Variants in DNAAF9 observed in about 807,000 individuals in gnomAD.
DNAAF9 encodes the protein dynein axonemal assembly factor 9.
In DNAAF9, 90 loss-of-function variants were observed where a neutral mutation model predicts 167.0. The observed-to-expected ratio is 0.54, with a 90% confidence interval of 0.45 to 0.64. DNAAF9 has a LOEUF of 0.64. DNAAF9 is among the 30% of genes least tolerant of loss of function. The pLI, the probability that DNAAF9 is intolerant of heterozygous loss-of-function variation, is 0.00. For synonymous variants in DNAAF9, 491 were observed against 508.8 expected (o/e 0.96, Z 0.47); for missense variants, 1,315 against 1,442.2 (o/e 0.91, Z 1.43).
intron 29 of DNAAF9, among the ~76,000 whole-genome samples, chr20:3,271,107 C>T (rs1056479454): frequency 1.3e-5 from 2 of 152,082 alleles, no homozygotes; most frequent in African/African-American, 4.8e-5. Context: ...GCCATTGCAC[C>T]CGGCCTCCTC....
intron 6 of DNAAF9, among the ~76,000 whole-genome samples, chr20:3,363,046 T>C (rs2083383257): frequency 6.6e-6 from 1 of 151,950 alleles, no homozygotes; most frequent in Non-Finnish European, 1.5e-5. Context: ...CTGGCCAACA[T>C]GGTGAAAGCC....
chr20:3,343,855 GTGTGCGTGTGTGCA>G (rs956055707), intron 8 of DNAAF9, 124 bp from the exon 9 acceptor site: 6 of 645,654 alleles, frequency 9.3e-6, no homozygotes, highest in African/African-American at 9.2e-5. Flanking sequence ...GTGTGTGTGT[GTGTGCGTGTGTGCA>G]TGTGCGTGTG....
intron 1 of DNAAF9, among the ~76,000 whole-genome samples, chr20:3,383,873 A>C (rs979581488): frequency 6.8e-6 from 1 of 147,230 alleles, no homozygotes; most frequent in Non-Finnish European, 1.5e-5. Flanking sequence ...ATCTTGGCTC[A>C]CTGTAACCTC....
At chr20:3,281,804 T>G (rs776466222) in intron 27 of DNAAF9, 38 bp from the exon 28 acceptor site, 1 of 1,589,746 alleles carries the variant, frequency 6.3e-7, no homozygotes, top group African/African-American at 1.4e-5. Context: ...GTTCACTGAC[T>G]GGCATTGCAA....
intron 10 of DNAAF9, among the ~76,000 whole-genome samples, chr20:3,338,427 GT>G (rs1303689016): frequency 6.6e-6 from 1 of 152,060 alleles, no homozygotes; most frequent in Non-Finnish European, 1.5e-5. Flanking sequence ...ATCTTCTGAA[GT>G]TTGAATAGGA....
chr20:3,350,388 C>T (rs996573296), intron 7 of DNAAF9, among the ~76,000 whole-genome samples: 10 of 151,118 alleles, frequency 6.6e-5, no homozygotes, highest in Admixed American at 3.3e-4. Context: ...TTATATATAA[C>T]GTAGGATAAA....
At chr20:3,331,136 T>A in intron 11 of DNAAF9, among the ~76,000 whole-genome samples, 1 of 152,162 alleles carries the variant, frequency 6.6e-6, no homozygotes, top group East Asian at 1.9e-4. Flanking sequence ...CCAACAACAG[T>A]GGAACCCGGC....
chr20:3,275,305 TA>T (rs2068658537), intron 29 of DNAAF9, among the ~76,000 whole-genome samples: 1 of 152,084 alleles, frequency 6.6e-6, no homozygotes, highest in Admixed American at 6.5e-5. Flanking sequence ...GGAAGATCTA[TA>T]AATACCCTAG....
At chr20:3,268,723 A>G (rs1026224261) in intron 30 of DNAAF9, among the ~76,000 whole-genome samples, 2 of 152,138 alleles carry the variant, frequency 1.3e-5, no homozygotes, top group Non-Finnish European at 2.9e-5. Context: ...AAAAGTCAAA[A>G]CTACATTAAA....
In DNAAF9 at chr20:3,290,218, C is replaced by G. The variant is rs1231835475; in HGVS notation, c.2239-1G>C. ...GGCCGGTTACAATGCTGATAATTAC[C>G]TACATGAAGAAAAAGTCATGGGTTT... On this transcript the variant is annotated splice_acceptor_variant, in intron 25 of 36. Coordinates refer to ENST00000252032, the MANE Select transcript of DNAAF9 (RefSeq NM_001009984.3). LOFTEE classifies it high-confidence loss of function. The G allele has an allele frequency of 6.3e-7, 1 of 1,597,394 alleles. No individual in the cohort carries two copies. The highest frequency in any genetic ancestry group is 8.6e-7 in the Non-Finnish European group (1 of 1,164,896).
chr20:3,300,678 AAATAATAATAATAATAATAAT>A (rs34199778), intron 21 of DNAAF9, among the ~76,000 whole-genome samples: 1,407 of 134,080 alleles, frequency 0.01, 32 homozygotes, highest in African/African-American at 0.037. Flanking sequence ...GACTCCATCT[AAATAATAATAATAATAATAAT>A]AATAATAATA....
chr20:3,318,373 C>G lies in DNAAF9; in HGVS notation c.1384G>C (p.Asp462His). 1 of 1,602,020 alleles carries G rather than the reference C, an allele frequency of 6.2e-7. No individual in the cohort carries two copies. Among genetic ancestry groups the G allele is most frequent in the Non-Finnish European group, 8.6e-7 (1 of 1,169,344 alleles). Residue 462 changes from aspartate to histidine, a missense_variant, in exon 17 of 37, where the codon GAC becomes CAC. By Grantham distance (81) the Asp-to-His change is moderately conservative. Coordinates refer to ENST00000252032, the MANE Select transcript of DNAAF9 (RefSeq NM_001009984.3). ...TACMAVYDIP[D>H]LLGGNGCLGS... ...AAACAACCATTGCCTCCCAGTAAGT[C>G]AGGAATGTCATAGACGGCCATACAA... is the stretch of plus-strand genomic sequence containing the variant.
At chr20:3,278,487 G>C (rs539751050) in intron 29 of DNAAF9, among the ~76,000 whole-genome samples, 44 of 152,170 alleles carry the variant, frequency 2.9e-4, no homozygotes, top group African/African-American at 1.0e-3. Context: ...TTGGGAGGCC[G>C]AGGTGGGCGG....
chr20:3,394,330 C>T (rs765570259), intron 1 of DNAAF9, among the ~76,000 whole-genome samples: 1 of 144,726 alleles, frequency 6.9e-6, no homozygotes, highest in African/African-American at 2.6e-5. Context: ...AAGAGTGAAA[C>T]TCCGTCTCAA....
intron 3 of DNAAF9, among the ~76,000 whole-genome samples, chr20:3,377,687 T>G (rs575400037): frequency 5.9e-5 from 9 of 152,210 alleles, no homozygotes; most frequent in South Asian, 4.1e-4. Context: ...CTCGAACTCC[T>G]AAGCTCAAGT....
chr20:3,363,362 G>T (rs2083388934), intron 6 of DNAAF9, among the ~76,000 whole-genome samples: 2 of 151,944 alleles, frequency 1.3e-5, no homozygotes, highest in East Asian at 3.9e-4. Context: ...TACTTAGGAG[G>T]CTGAGGCAGG....
chr20:3,288,690 G>T (rs2068896218), intron 26 of DNAAF9, among the ~76,000 whole-genome samples: 2 of 139,118 alleles, frequency 1.4e-5, no homozygotes, highest in Non-Finnish European at 3.1e-5. Context: ...TTACCTTGGG[G>T]TAGACTGACT....
At chr20:3,296,119 T>C (rs570815319) in intron 23 of DNAAF9, 30 of 658,268 alleles carry the variant, frequency 4.6e-5, no homozygotes, top group South Asian at 2.4e-4. Flanking sequence ...GCACTTTACA[T>C]GTACAAGGTA....
chr20:3,325,261 A>G (rs1460016624), intron 13 of DNAAF9, among the ~76,000 whole-genome samples: 14 of 152,230 alleles, frequency 9.2e-5, no homozygotes, highest in Non-Finnish European at 2.9e-5. Flanking sequence ...CTGTGATGAC[A>G]GCAGTGGAAT....
Sources: allele counts gnomAD v4.1 joint callset (sites outside exome capture counted in the v4.1 genomes callset), GRCh38; gene constraint gnomAD v4.1.1; transcripts MANE v1.5; gene names NCBI Gene and HGNC (gene_info 2026-07-23, HGNC 2026-07-21).